The following ARID2 variants were observed in gnomAD, a reference collection of about 807,000 sequenced individuals.
The protein encoded by ARID2 is AT-rich interactive domain-containing protein 2.
Under a neutral mutation model 184.6 loss-of-function variants are expected in ARID2, and 32 were observed. The observed-to-expected ratio is 0.17, with a 90% confidence interval of 0.13 to 0.23. The LOEUF (loss-of-function observed/expected upper bound fraction) is 0.23. Ranked by LOEUF, ARID2 falls within the 10% of genes least tolerant of loss-of-function variation. The pLI is 1.00. For synonymous variants in ARID2, 836 were observed against 772.6 expected, an observed-to-expected ratio of 1.08 and a Z score of -1.36; for missense variants, 1,696 against 2,197.6, an observed-to-expected ratio of 0.77 and a Z score of 4.56.
intron 3 of ARID2, among the ~76,000 whole-genome samples, chr12:45,804,690 A>C (rs1248872865): frequency 1.3e-5 from 2 of 152,104 alleles, no homozygotes; most frequent in Non-Finnish European, 2.9e-5. Flanking sequence ...ATGTTAAAAA[A>C]ATTTTTAAAT....
rs189640595 is a variant in ARID2, at chr12:45,777,192, C to T, written c.285-34226C>T. 9.3e-4 allele frequency among the ~76,000 whole-genome samples: 142 copies of T among 151,932 alleles called. 2 individuals carry two copies. Among genetic ancestry groups the T allele is most frequent in the African/African-American group, 2.7e-3 (110 of 41,454 alleles). On this transcript the variant is annotated intron_variant, in intron 3 of 20. Coordinates refer to ENST00000334344, the MANE Select transcript of ARID2 (RefSeq NM_152641.4). ...ATAAGAAGAGGTAGTATGCTGAAAA[C>T]TGCAATTATTTAAAGAAAAGAAGTC... is the stretch of plus-strand genomic sequence containing the variant.
At chr12:45,832,481 TTTTG>T (rs1393414463) in intron 6 of ARID2, among the ~76,000 whole-genome samples, 2 of 152,100 alleles carry the variant, frequency 1.3e-5, no homozygotes, top group Non-Finnish European at 2.9e-5. Flanking sequence ...GTTTTTTTTG[TTTTG>T]TTTGTTTTAG....
chr12:45,737,909 T>A (rs918745900), intron 3 of ARID2, among the ~76,000 whole-genome samples: 2 of 152,108 alleles, frequency 1.3e-5, no homozygotes, highest in African/African-American at 4.8e-5. Flanking sequence ...GTCTCTGGAC[T>A]CTAGAGAAGG....
chr12:45,862,251 A>ATATATATGTGACC (rs1943762284), intron 16 of ARID2, among the ~76,000 whole-genome samples: 1 of 152,162 alleles, frequency 6.6e-6, no homozygotes, highest in Non-Finnish European at 1.5e-5. Context: ...GTTTTCAGTT[A>ATATATATGTGACC]TATATATGTG....
At chr12:45,818,197 T>C (rs749228774) in intron 5 of ARID2, among the ~76,000 whole-genome samples, 21 of 152,152 alleles carry the variant, frequency 1.4e-4, no homozygotes, top group Non-Finnish European at 1.9e-4. Context: ...TGGAAGAAAT[T>C]GTTTTCTGAA....
intron 6 of ARID2, 119 bp from the exon 7 acceptor site, chr12:45,836,470 C>A: frequency 1.1e-6 from 1 of 890,952 alleles, no homozygotes; most frequent in East Asian, 2.8e-5. Context: ...CCCATCTTGG[C>A]CTCTTAAAGT....
At chr12:45,899,701 A>ATATATATATGGT (rs1944428300) in intron 20 of ARID2, among the ~76,000 whole-genome samples, 1 of 140,110 alleles carries the variant, frequency 7.1e-6, no homozygotes, top group Non-Finnish European at 1.5e-5. Context: ...ATGGTTATAT[A>ATATATATATGGT]TATATATGGT....
At chr12:45,762,551 T>TAG (rs1941702049) in intron 3 of ARID2, among the ~76,000 whole-genome samples, 1 of 152,228 alleles carries the variant, frequency 6.6e-6, no homozygotes, top group Non-Finnish European at 1.5e-5. Context: ...CATCAGTGAG[T>TAG]AGACTCTGGC....
chr12:45,771,692 CTATA>C (rs146042982), intron 3 of ARID2, among the ~76,000 whole-genome samples: 2 of 145,656 alleles, frequency 1.4e-5, no homozygotes, highest in African/African-American at 2.5e-5. Context: ...ATGTGTAAAA[CTATA>C]TATATATATA....
rs1341423507 is a variant in ARID2, at chr12:45,852,874, A to T, written c.4751A>T (p.Tyr1584Phe). 6.3e-7 allele frequency: 1 copy of T among 1,591,102 alleles called. No individual in the cohort carries two copies. The highest frequency in any genetic ancestry group is 8.6e-7 in the Non-Finnish European group (1 of 1,166,728). ...VQQKQQHPPT[Y>F]VQNVVPQNTP... is the part of the protein sequence containing the mutation. ...CAAAAGCAACAGCATCCACCAACATATGTACAGAATGTGGTCCCGCAGGTA... is the reference window on the plus strand; with the variant it reads ...CAAAAGCAACAGCATCCACCAACATTTGTACAGAATGTGGTCCCGCAGGTA... The change falls in exon 15 of 21, where the codon TAT becomes TTT. Residue 1584 changes from tyrosine (Y) to phenylalanine (F), a missense_variant. Physicochemically the swap from Tyr to Phe is conservative, Grantham distance 22 (BLOSUM62 3). This residue lies in a region of ARID2 where 111 missense variants were observed against 154.0 expected (regional missense o/e 0.72). Transcript: ENST00000334344.
intron 3 of ARID2, among the ~76,000 whole-genome samples, chr12:45,745,301 A>G (rs1941333713): frequency 1.3e-5 from 2 of 152,192 alleles, no homozygotes; most frequent in Admixed American, 6.5e-5. Context: ...TCTTAATACT[A>G]GAAAGGATTT....
chr12:45,892,365 C>T (rs1250700256), intron 18 of ARID2, among the ~76,000 whole-genome samples: 2 of 152,048 alleles, frequency 1.3e-5, no homozygotes, highest in African/African-American at 4.8e-5. Flanking sequence ...GAAGTAATGA[C>T]AGATGATATA....
chr12:45,742,072 A>G (rs904569739), intron 3 of ARID2, among the ~76,000 whole-genome samples: 6 of 152,240 alleles, frequency 3.9e-5, no homozygotes, highest in African/African-American at 1.4e-4. Flanking sequence ...CAGTACATAT[A>G]GAATACTTCC....
At chr12:45,789,937 C>CAA (rs1287166130) in intron 3 of ARID2, among the ~76,000 whole-genome samples, 2 of 152,138 alleles carry the variant, frequency 1.3e-5, no homozygotes, top group African/African-American at 2.4e-5. Context: ...GGCAACACAG[C>CAA]AAGCTCCTCT....
chr12:45,853,450 CT>C, intron 15 of ARID2, among the ~76,000 whole-genome samples: 1 of 152,214 alleles, frequency 6.6e-6, no homozygotes, highest in Admixed American at 6.5e-5. Context: ...TTCTGATATT[CT>C]TTTCTGTTTC....
intron 16 of ARID2, among the ~76,000 whole-genome samples, chr12:45,887,435 A>G (rs1156238884): frequency 6.6e-6 from 1 of 152,200 alleles, no homozygotes; most frequent in Admixed American, 6.5e-5. Flanking sequence ...TTAGAATAAC[A>G]TTTGTTTTTA....
chr12:45,775,063 C>A (rs1176684448), intron 3 of ARID2, among the ~76,000 whole-genome samples: 1 of 151,996 alleles, frequency 6.6e-6, no homozygotes, highest in East Asian at 1.9e-4. Flanking sequence ...AAGAATTATC[C>A]AGCCTGAAAT....
chr12:45,896,051 G>A lies in ARID2; in HGVS notation c.5363+2330G>A, dbSNP rs552282463. ...ATTCTACAGATTCAGTGCAACCCCTGTCAACATCCCAATGATTTTTGAAAA... is the reference window on the plus strand; with the variant it reads ...ATTCTACAGATTCAGTGCAACCCCTATCAACATCCCAATGATTTTTGAAAA... On this transcript the variant is annotated intron_variant, in intron 20 of 20. Coordinates refer to ENST00000334344, the MANE Select transcript of ARID2 (RefSeq NM_152641.4). 1.4e-3 allele frequency among the ~76,000 whole-genome samples: 213 copies of A among 152,304 alleles called. 1 individual carries two copies. The highest frequency in any genetic ancestry group is 5.1e-3 in the African/African-American group (210 of 41,568).
At chr12:45,884,387 T>G (rs971759016) in intron 16 of ARID2, among the ~76,000 whole-genome samples, 1 of 151,994 alleles carries the variant, frequency 6.6e-6, no homozygotes, top group African/African-American at 2.4e-5. Context: ...CAGAGTGAGA[T>G]TCTGTCTCAA....
Sources: allele counts gnomAD v4.1 joint callset (sites outside exome capture counted in the v4.1 genomes callset), GRCh38; gene constraint gnomAD v4.1.1; regional missense constraint gnomAD v4.1.1; transcripts MANE v1.5; gene names NCBI Gene and HGNC (gene_info 2026-07-23, HGNC 2026-07-21).